CDC42BPB: variants seen among roughly 807,000 people sequenced by gnomAD.
CDC42BPB encodes CDC42 binding protein kinase beta, also known as serine/threonine-protein kinase MRCK beta.
A neutral mutation model predicts 214.9 loss-of-function variants in CDC42BPB; 37 were observed. The ratio of observed to expected loss-of-function variants is 0.17; its 90% CI spans 0.13 to 0.23. The LOEUF is 0.23. Among genes scored for constraint, CDC42BPB ranks in the 10% least tolerant of loss-of-function variants. The pLI is 1.00. For synonymous variants in CDC42BPB, 931 were observed against 884.0 expected (o/e 1.05, Z -0.94); for missense variants, 1,694 against 2,227.0 (o/e 0.76, Z 4.82).
At chr14:102,945,058 G>C (rs2139367222) in intron 29 of CDC42BPB, 1 of 330,198 alleles carries the variant, frequency 3.0e-6, no homozygotes, top group South Asian at 2.3e-5. Flanking sequence ...CGCTTGCTCA[G>C]ATCTCCCCAC....
In CDC42BPB at chr14:103,017,289, T is replaced by A. The variant is rs1296274429; in HGVS notation, c.176-5101A>T. 2.6e-5 allele frequency among the ~76,000 whole-genome samples: 4 copies of A among 152,034 alleles called. No individual in the cohort carries two copies. In the East Asian group the frequency reaches 5.8e-4, roughly 22 times the overall value. Reference sequence around the variant, plus strand: ...GTGAGCTGTGTTTGCACCACTGCACTCCAGGCTGGACAACAGTGAGAACTT... The same window carrying A: ...GTGAGCTGTGTTTGCACCACTGCACACCAGGCTGGACAACAGTGAGAACTT... On this transcript the variant is annotated intron_variant, in intron 1 of 36. Coordinates refer to ENST00000361246, the MANE Select transcript of CDC42BPB (RefSeq NM_006035.4).
chr14:102,986,642 C>A, intron 5 of CDC42BPB, 62 bp from the exon 6 acceptor site: 1 of 1,586,322 alleles, frequency 6.3e-7, no homozygotes, highest in Non-Finnish European at 8.6e-7. Flanking sequence ...TAGATCAAAG[C>A]CCTTAACTAG....
intron 1 of CDC42BPB, among the ~76,000 whole-genome samples, chr14:103,022,809 A>G (rs1018858109): frequency 1.3e-5 from 2 of 152,166 alleles, no homozygotes; most frequent in East Asian, 1.9e-4. Flanking sequence ...AACACAGCCA[A>G]TTCCTTGAAA....
chr14:102,989,959 C>T (rs1313692194), intron 5 of CDC42BPB, among the ~76,000 whole-genome samples: 1 of 152,020 alleles, frequency 6.6e-6, no homozygotes, highest in Admixed American at 6.5e-5. Context: ...TCACCTTTTG[C>T]TTAACAAAGG....
chr14:102,973,977 G>T, intron 12 of CDC42BPB, 39 bp downstream of exon 12: 1 of 1,571,278 alleles, frequency 6.4e-7, no homozygotes, highest in Non-Finnish European at 8.6e-7. Flanking sequence ...ATTCTGCAAA[G>T]TCCCGTAAGC....
intron 4 of CDC42BPB, among the ~76,000 whole-genome samples, chr14:103,000,101 G>C (rs913775766): frequency 3.9e-5 from 6 of 152,190 alleles, no homozygotes; most frequent in Non-Finnish European, 7.3e-5. Flanking sequence ...GACGACACCA[G>C]ACCAGAGAAG....
At chr14:103,032,210 C>A (rs1887419958) in intron 1 of CDC42BPB, among the ~76,000 whole-genome samples, 1 of 152,070 alleles carries the variant, frequency 6.6e-6, no homozygotes, top group Non-Finnish European at 1.5e-5. Context: ...CATGCCCACC[C>A]ACGAGGACCA....
In CDC42BPB at chr14:102,946,589, T is replaced by C. The variant is rs1566846487; in HGVS notation, c.3627A>G (p.Leu1209=). The change falls in exon 28 of 37, where the codon CTA becomes CTG. Residue 1209 remains leucine (L), a synonymous_variant. Transcript: ENST00000361246. ...TATGAAGGATGGACTGGAGTCCTTC[T>C]AGAATCCCAACCCACTTCCTCTTTT... is the stretch of plus-strand genomic sequence containing the variant. ...ENEKRKWVGI[L]EGLQSILHKN... 4 of 1,612,816 alleles carry C rather than the reference T, an allele frequency of 2.5e-6. No individual in the cohort carries two copies. Among genetic ancestry groups the C allele is most frequent in the South Asian group, 2.2e-5 (2 of 91,084 alleles).
chr14:102,938,437 C>T (rs767159322), intron 34 of CDC42BPB, 26 bp from the exon 35 acceptor site: 16 of 1,514,798 alleles, frequency 1.1e-5, no homozygotes, highest in African/African-American at 1.4e-5. Flanking sequence ...AACACGTGAG[C>T]ATGCTTGGTT....
intron 1 of CDC42BPB, among the ~76,000 whole-genome samples, chr14:103,031,939 G>A (rs963191586): frequency 6.6e-6 from 1 of 151,810 alleles, no homozygotes; most frequent in African/African-American, 2.4e-5. Flanking sequence ...ACTCCAAAGT[G>A]TCTCCAGTGA....
intron 13 of CDC42BPB, among the ~76,000 whole-genome samples, chr14:102,971,236 A>C (rs1030079047): frequency 6.6e-6 from 1 of 152,244 alleles, no homozygotes; most frequent in African/African-American, 2.4e-5. Context: ...AAAAAATGCC[A>C]TTCTTCCTGC....
Position 102,939,645 on chromosome 14 carries a change from C to A in CDC42BPB, c.4792G>T (p.Gly1598Cys). The change falls in exon 34 of 37, where the codon GGC becomes TGC. Residue 1598 changes from glycine (G) to cysteine (C), a missense_variant. Gly to Cys is a radical substitution (Grantham distance 159). This residue lies in a region of CDC42BPB where 567 missense variants were observed against 790.3 expected (regional missense o/e 0.72). Transcript: ENST00000361246. Reference sequence around the variant, plus strand: ...TCCATGAGCACCTGCATGCCGTCGCCTGGGCCCATGTGGGCCACGTGGTTG... The same window carrying A: ...TCCATGAGCACCTGCATGCCGTCGCATGGGCCCATGTGGGCCACGTGGTTG... ...NFNHVAHMGP[G>C]DGMQVLMDLP... 6.2e-7 allele frequency: 1 copy of A among 1,614,186 alleles called. No individual in the cohort carries two copies. Among genetic ancestry groups the A allele is most frequent in the Non-Finnish European group, 8.5e-7 (1 of 1,180,040 alleles).
chr14:103,015,039 G>A (rs766071085), intron 1 of CDC42BPB, among the ~76,000 whole-genome samples: 24 of 152,118 alleles, frequency 1.6e-4, no homozygotes, highest in Admixed American at 6.6e-4. Flanking sequence ...TGTTAATTAC[G>A]TAGTTTAATA....
chr14:102,975,920 C>G lies in CDC42BPB; in HGVS notation c.1350G>C (p.Leu450=). 6.2e-7 allele frequency: 1 copy of G among 1,614,180 alleles called. No homozygotes were observed. ...MEAYERRIRR[L]EQEKLELSRK... is the part of the protein sequence containing the mutation. ...TGCTCAGCTCCAGCTTCTCCTGTTCCAGCCTCCGAATCCTCCTCTCGTAAG... is the reference window on the plus strand; with the variant it reads ...TGCTCAGCTCCAGCTTCTCCTGTTCGAGCCTCCGAATCCTCCTCTCGTAAG... The change falls in exon 10 of 37, where the codon CTG becomes CTC. Residue 450 remains leucine, a synonymous_variant. Coordinates refer to ENST00000361246, the MANE Select transcript of CDC42BPB (RefSeq NM_006035.4).
chr14:103,007,339 G>A (rs1208770082), intron 3 of CDC42BPB, among the ~76,000 whole-genome samples: 5 of 152,168 alleles, frequency 3.3e-5, no homozygotes, highest in African/African-American at 4.8e-5. Flanking sequence ...ACGAGGAACC[G>A]ATAACACCCA....
At position 102,944,600 on chromosome 14, in the gene CDC42BPB, C is replaced by T; in HGVS notation, c.3812-113G>A. ...ACACTCTGGGGCCCTCCCCTGGGCT[C>T]CCTTCCTGTGTGCACAGCCTGAGCC... On this transcript the variant is annotated intron_variant, in intron 29 of 36. Transcript: ENST00000361246. This position sits in a 1 kb window ranked among gnomAD's most constrained non-coding sequence, Gnocchi z 6.6. 6.8e-7 allele frequency: 1 copy of T among 1,480,164 alleles called. No homozygotes were observed. The highest frequency in any genetic ancestry group is 1.4e-5 in the South Asian group (1 of 69,646). The allele number at this position is 1,480,164 out of a possible 1,614,324, so 91.7% of individuals were successfully genotyped here.
At chr14:103,027,402 T>C (rs1397358597) in intron 1 of CDC42BPB, among the ~76,000 whole-genome samples, 1 of 152,160 alleles carries the variant, frequency 6.6e-6, no homozygotes, top group African/African-American at 2.4e-5. Flanking sequence ...AAAAATTTAA[T>C]ATAAAAAAAA....
intron 1 of CDC42BPB, among the ~76,000 whole-genome samples, chr14:103,020,175 C>T (rs543184125): frequency 1.2e-4 from 19 of 152,332 alleles, no homozygotes; most frequent in Non-Finnish European, 2.2e-4. Context: ...TGCTTTGTGG[C>T]CACAATCAAT....
intron 1 of CDC42BPB, among the ~76,000 whole-genome samples, chr14:103,019,611 C>T (rs35199233): frequency 0.01 from 1,549 of 152,312 alleles, 29 homozygotes; most frequent in African/African-American, 0.036. Flanking sequence ...CACCAAAGGG[C>T]GGCCTTCTCT....
Sources: allele counts gnomAD v4.1 joint callset (sites outside exome capture counted in the v4.1 genomes callset), GRCh38; gene constraint gnomAD v4.1.1; regional missense constraint gnomAD v4.1.1; non-coding constraint Gnocchi (gnomAD v3.1); transcripts MANE v1.5; gene names NCBI Gene and HGNC (gene_info 2026-07-23, HGNC 2026-07-21).